DCAF5: variants seen among roughly 807,000 people sequenced by gnomAD.
The protein encoded by DCAF5 is DDB1- and CUL4-associated factor 5.
In DCAF5, 9 loss-of-function variants were observed where a neutral mutation model predicts 80.7. The observed-to-expected ratio is 0.11, with a 90% CI of 0.07 to 0.19. The LOEUF (loss-of-function observed/expected upper bound fraction) is 0.19, where lower values mean the gene tolerates loss of function less well. Ranked by LOEUF, DCAF5 falls within the 10% of genes least tolerant of loss-of-function variation. DCAF5 has a pLI of 1.00. For missense variants in DCAF5, 842 were observed against 1,205.7 expected (o/e 0.70, Z 4.47); for synonymous variants, 433 against 461.9 (o/e 0.94, Z 0.80).
chr14:69,150,985 G>C (rs2041684359), intron 1 of DCAF5, among the ~76,000 whole-genome samples: 1 of 152,144 alleles, frequency 6.6e-6, no homozygotes, highest in South Asian at 2.1e-4. Flanking sequence ...GTCTCTAAAA[G>C]AGTACCCCCA....
chr14:69,145,443 A>C (rs2041508496), intron 1 of DCAF5, among the ~76,000 whole-genome samples: 1 of 152,190 alleles, frequency 6.6e-6, no homozygotes, highest in Non-Finnish European at 1.5e-5. Context: ...ATATTCACTC[A>C]AAGATTATCT....
chr14:69,147,507 T>C (rs538291274), intron 1 of DCAF5, among the ~76,000 whole-genome samples: 2 of 152,290 alleles, frequency 1.3e-5, no homozygotes, highest in East Asian at 3.9e-4. Flanking sequence ...AGAGGATAAG[T>C]GACCTGTCAA....
chr14:69,151,576 C>A (rs1287098489), intron 1 of DCAF5, among the ~76,000 whole-genome samples: 1 of 152,130 alleles, frequency 6.6e-6, no homozygotes, highest in African/African-American at 2.4e-5. Context: ...CAAGCAGGAA[C>A]GCCCAATCAG....
intron 1 of DCAF5, among the ~76,000 whole-genome samples, chr14:69,133,689 C>G (rs998430998): frequency 1.3e-5 from 2 of 152,204 alleles, no homozygotes; most frequent in African/African-American, 2.4e-5. Flanking sequence ...TAGTACCCTT[C>G]TGCTAAAAGC....
chr14:69,097,451 T>G (rs1343143258), intron 5 of DCAF5, among the ~76,000 whole-genome samples: 1 of 152,142 alleles, frequency 6.6e-6, no homozygotes, highest in Non-Finnish European at 1.5e-5. Flanking sequence ...CACATTAATT[T>G]AGCATAAATT....
In DCAF5 at chr14:69,054,956, C is replaced by G; in HGVS notation, c.1730G>C (p.Arg577Pro). ...ATTCCGCTGCCAGGTAGAGGCTCGG[C>G]GTTCATTCAGCTCCTCCTCATCCTC... is the stretch of plus-strand genomic sequence containing the variant. ...SSEDEEELNE[R>P]RASTWQRNAM... Residue 577 changes from arginine (R) to proline (P), a missense_variant, in exon 9 of 9, where the codon CGC becomes CCC. This residue lies in a region of DCAF5 where 607 missense variants were observed against 656.6 expected (regional missense o/e 0.92). Transcript: ENST00000341516. 1 of 1,614,234 alleles carries G rather than the reference C, an allele frequency of 6.2e-7. No homozygotes were observed. Among genetic ancestry groups the G allele is most frequent in the Non-Finnish European group, 8.5e-7 (1 of 1,180,040 alleles).
chr14:69,106,589 C>T (rs957049584), intron 5 of DCAF5, among the ~76,000 whole-genome samples: 4 of 152,106 alleles, frequency 2.6e-5, no homozygotes, highest in African/African-American at 9.7e-5. Flanking sequence ...CCAGGCATGT[C>T]TTGAACTCCT....
chr14:69,065,188 C>T (rs1306559199), intron 7 of DCAF5, among the ~76,000 whole-genome samples: 4 of 149,906 alleles, frequency 2.7e-5, no homozygotes, highest in Non-Finnish European at 5.9e-5. Flanking sequence ...ACCTCCACCT[C>T]CCAGGTTCAA....
chr14:69,130,927 T>C (rs1283398488), intron 1 of DCAF5, among the ~76,000 whole-genome samples: 1 of 152,188 alleles, frequency 6.6e-6, no homozygotes, highest in Non-Finnish European at 1.5e-5. Context: ...TTTTTTATTG[T>C]AAAATGGAGA....
chr14:69,105,062 T>C (rs1050658786), intron 5 of DCAF5, among the ~76,000 whole-genome samples: 6 of 152,214 alleles, frequency 3.9e-5, no homozygotes, highest in African/African-American at 1.2e-4. Flanking sequence ...TATCTTTTTA[T>C]GGAAAGCAGT....
chr14:69,051,624 AG>A lies in DCAF5; in HGVS notation c.*2232del, dbSNP rs2037764084. On this transcript the variant is annotated 3_prime_UTR_variant, in exon 9 of 9. Coordinates refer to ENST00000341516, the MANE Select transcript of DCAF5 (RefSeq NM_003861.3). The stretch of plus-strand genomic sequence containing the variant: ...TCTTTTGAGTACCCAAATGAGATTA[AG>A]GCTTTTAACATGAAAAGACCAAGTT... 3 of 152,360 alleles carry A rather than the reference AG, an allele frequency of 2.0e-5. No individual in the cohort carries two copies. In the South Asian group the frequency reaches 6.2e-4, roughly 32 times the overall value. 9.4% of individuals were successfully genotyped at this position (152,360 alleles called of 1,614,324 possible). A position where few individuals can be genotyped will look rare whatever the true frequency, so the allele number is the denominator to read the frequency against.
chr14:69,148,043 T>A (rs896525219), intron 1 of DCAF5, among the ~76,000 whole-genome samples: 5 of 142,028 alleles, frequency 3.5e-5, no homozygotes, highest in African/African-American at 1.3e-4. Flanking sequence ...CAAATGCACA[T>A]AGAGATACAT....
chr14:69,062,660 A>G, intron 7 of DCAF5, 149 bp from the exon 8 acceptor site: 1 of 853,136 alleles, frequency 1.2e-6, no homozygotes, highest in South Asian at 1.9e-5. Context: ...ATAAGTTGCT[A>G]TGGAAAGAGA....
At chr14:69,114,519 C>A (rs1710989) in intron 5 of DCAF5, among the ~76,000 whole-genome samples, 100,473 of 151,968 alleles carry the variant, frequency 0.66, 33,801 homozygotes, top group East Asian at 0.97. Flanking sequence ...TATGCATAGT[C>A]GTATATACAT....
At position 69,052,677 on chromosome 14, in the gene DCAF5, C is replaced by T. The variant is rs918099020; in HGVS notation, c.*1180G>A. The T allele has an allele frequency of 3.3e-5, 5 of 152,232 alleles. No homozygotes were observed. The East Asian group carries it at 9.7e-4, about 29-fold the overall frequency. The allele number at this position is 152,232 out of a possible 1,614,324, so 9.4% of individuals were successfully genotyped here. ...ACTAATGGGAACCAGGAGTCATAAG[C>T]CAGAGACTCCTCCCCAACACCTTCT... is the stretch of plus-strand genomic sequence containing the variant. On this transcript the variant is annotated 3_prime_UTR_variant, in exon 9 of 9. Transcript: ENST00000341516.
intron 6 of DCAF5, chr14:69,085,420 T>G (rs1360589642): frequency 2.8e-5 from 14 of 505,312 alleles, no homozygotes; most frequent in Non-Finnish European, 3.8e-6. Flanking sequence ...TTGAATAACT[T>G]TGTCCTAAAA....
rs1008088404 is a variant in DCAF5 at position 69,118,693 on chromosome 14, G to C, written c.396-415C>G. 3.9e-5 allele frequency among the ~76,000 whole-genome samples: 6 copies of C among 152,218 alleles called. No homozygotes were observed. Among genetic ancestry groups the C allele is most frequent in the African/African-American group, 1.2e-4 (5 of 41,452 alleles). On this transcript the variant is annotated intron_variant, in intron 3 of 8. Transcript: ENST00000341516. The surrounding 1 kb of genome is among the most constrained non-coding windows in gnomAD (Gnocchi z 4.0). ...CCTAGCAATCTGGCATGGTGATGAAGAGCATGGCTCTGAGGCCAGATAGCC... is the reference window on the plus strand; with the variant it reads ...CCTAGCAATCTGGCATGGTGATGAACAGCATGGCTCTGAGGCCAGATAGCC...
At chr14:69,069,189 CA>C (rs2038585713) in intron 7 of DCAF5, among the ~76,000 whole-genome samples, 1 of 152,050 alleles carries the variant, frequency 6.6e-6, no homozygotes, top group Non-Finnish European at 1.5e-5. Flanking sequence ...TATGCAGGCC[CA>C]AAAAAATGCA....
At chr14:69,140,974 A>C (rs933707640) in intron 1 of DCAF5, among the ~76,000 whole-genome samples, 1 of 151,790 alleles carries the variant, frequency 6.6e-6, no homozygotes, top group African/African-American at 2.4e-5. Flanking sequence ...TCTTTACTAA[A>C]AGTACAAAAA....
Sources: gnomAD v4.1 joint callset for allele counts (sites outside exome capture counted in the v4.1 genomes callset) on GRCh38, gnomAD v4.1.1 for gene constraint, gnomAD v4.1.1 regional missense constraint, Gnocchi (gnomAD v3.1) non-coding constraint, MANE v1.5 for transcripts, NCBI Gene and HGNC (gene_info 2026-07-23, HGNC 2026-07-21) for gene names.